MGAT5: variants seen among roughly 807,000 people sequenced by gnomAD.
The protein encoded by MGAT5 is alpha-1,6-mannosylglycoprotein 6-beta-N-acetylglucosaminyltransferase A.
A neutral mutation model predicts 94.3 loss-of-function variants in MGAT5; 30 were observed. That is an observed-to-expected ratio of 0.32 (90% CI 0.24 to 0.43). MGAT5 has a LOEUF of 0.43. Among genes scored for constraint, MGAT5 ranks in the 20% least tolerant of loss-of-function variants. The pLI is 1.00. For missense variants in MGAT5, 691 were observed against 905.5 expected (o/e 0.76, Z 3.04); for synonymous variants, 310 against 322.9 (o/e 0.96, Z 0.43).
intron 9 of MGAT5, among the ~76,000 whole-genome samples, chr2:134,351,075 G>T (rs545626774): frequency 6.6e-6 from 1 of 152,248 alleles, no homozygotes; most frequent in Non-Finnish European, 1.5e-5. Flanking sequence ...ATTAAGAATG[G>T]AGAGTAATTT....
chr2:134,296,292 G>T (rs1685668775), intron 2 of MGAT5, among the ~76,000 whole-genome samples: 1 of 152,098 alleles, frequency 6.6e-6, no homozygotes, highest in African/African-American at 2.4e-5. Flanking sequence ...GCTGGACCTG[G>T]GAGTCAGTTT....
chr2:134,407,659 G>A (rs1452300762), intron 11 of MGAT5, among the ~76,000 whole-genome samples: 1 of 152,178 alleles, frequency 6.6e-6, no homozygotes, highest in Non-Finnish European at 1.5e-5. Context: ...AGACAGTGAT[G>A]ACTCAAGCAG....
chr2:134,216,611 G>C (rs1573878942), intron 1 of MGAT5, among the ~76,000 whole-genome samples: 1 of 152,246 alleles, frequency 6.6e-6, no homozygotes, highest in African/African-American at 2.4e-5. Flanking sequence ...AAGAAACCCA[G>C]GTTGCCCTGT....
At chr2:134,245,787 G>A (rs779725209) in intron 1 of MGAT5, among the ~76,000 whole-genome samples, 15 of 152,156 alleles carry the variant, frequency 9.9e-5, no homozygotes, top group East Asian at 1.9e-4. Context: ...CACCAGCCCT[G>A]TTACAGTGTT....
At chr2:134,275,397 T>G (rs1203885117) in intron 2 of MGAT5, among the ~76,000 whole-genome samples, 1 of 152,156 alleles carries the variant, frequency 6.6e-6, no homozygotes, top group South Asian at 2.1e-4. Context: ...GGTTTTCACT[T>G]TGTGTGGTCA....
At chr2:134,330,554 A>AGT (rs34688054) in intron 4 of MGAT5, among the ~76,000 whole-genome samples, 150 of 148,596 alleles carry the variant, frequency 1.0e-3, no homozygotes, top group African/African-American at 2.0e-3. Context: ...TAAATTGTGT[A>AGT]GTGTGTGTGT....
chr2:134,376,151 T>C (rs183134108), intron 10 of MGAT5, among the ~76,000 whole-genome samples: 18 of 152,302 alleles, frequency 1.2e-4, no homozygotes, highest in Non-Finnish European at 1.8e-4. Context: ...AACAACCCTA[T>C]AAGGCAGCAG....
At chr2:134,359,150 TA>T (rs1392016978) in intron 9 of MGAT5, among the ~76,000 whole-genome samples, 1 of 152,202 alleles carries the variant, frequency 6.6e-6, no homozygotes, top group East Asian at 1.9e-4. Context: ...CCCACATACA[TA>T]TGGCACAAGA....
chr2:134,342,789 A>G (rs1004468630), intron 7 of MGAT5, among the ~76,000 whole-genome samples: 1 of 151,942 alleles, frequency 6.6e-6, no homozygotes, highest in Admixed American at 6.6e-5. Flanking sequence ...GCAGTCACTC[A>G]TCTGGTGTCT....
Position 134,135,219 on chromosome 2 carries a change from G to C in MGAT5, c.-143+14928G>C, listed in dbSNP as rs556546525. Among the ~76,000 whole-genome samples the C allele has an allele frequency of 5.3e-5, 8 of 152,246 alleles. No individual in the cohort carries two copies. In the South Asian group the frequency reaches 1.7e-3, roughly 32 times the overall value. On this transcript the variant is annotated intron_variant, in intron 1 of 16. Coordinates refer to the MGAT5 transcript ENST00000409645. ...TATGTTTGAAATTGTGTTTAGGTAGGTTATCTGAGCATTTGGTTCAGATAG... is the reference window on the plus strand; with the variant it reads ...TATGTTTGAAATTGTGTTTAGGTAGCTTATCTGAGCATTTGGTTCAGATAG...
chr2:134,204,833 T>C (rs1679954406), intron 1 of MGAT5, among the ~76,000 whole-genome samples: 1 of 152,094 alleles, frequency 6.6e-6, no homozygotes, highest in Non-Finnish European at 1.5e-5. Flanking sequence ...GGAGTCACAC[T>C]CCATCGACAA....
chr2:134,303,385 C>G (rs910756570), intron 2 of MGAT5, among the ~76,000 whole-genome samples: 6 of 152,240 alleles, frequency 3.9e-5, no homozygotes, highest in Non-Finnish European at 4.4e-5. Flanking sequence ...TATAGAGTGT[C>G]TGGGTTCGGT....
At position 134,341,701 on chromosome 2, in the gene MGAT5, T is replaced by A. The variant is rs1352424881; in HGVS notation, c.919T>A (p.Ser307Thr). 6.2e-7 allele frequency: 1 copy of A among 1,613,426 alleles called. No homozygotes were observed. Among genetic ancestry groups the A allele is most frequent in the African/African-American group, 1.3e-5 (1 of 74,890 alleles). Residue 307 changes from serine (S) to threonine (T), a missense_variant, in exon 7 of 16, where the codon TCT (serine) becomes ACT (threonine). By Grantham distance (58) the Ser-to-Thr change is moderately conservative. This residue lies in a region of MGAT5 where 121 missense variants were observed against 206.1 expected (regional missense o/e 0.59). Transcript: ENST00000281923. ...AGTTCAATGGAGTGATTTAATTACA[T>A]CTCTGTACTTACTGGGCCATGACAT... ...ELVQWSDLIT[S>T]LYLLGHDIRI...
chr2:134,442,035 TG>T, intron 15 of MGAT5, 120 bp downstream of exon 15: 1 of 1,150,920 alleles, frequency 8.7e-7, no homozygotes, highest in Non-Finnish European at 1.3e-6. Context: ...GGATAAGGTG[TG>T]GGAGGGGAGT....
chr2:134,205,139 G>T (rs1679967812), intron 1 of MGAT5, among the ~76,000 whole-genome samples: 1 of 152,200 alleles, frequency 6.6e-6, no homozygotes, highest in African/African-American at 2.4e-5. Flanking sequence ...TAGGAGAGAG[G>T]TCAAGGGGTA....
chr2:134,247,999 G>A (rs1420167287), intron 1 of MGAT5, among the ~76,000 whole-genome samples: 1 of 152,072 alleles, frequency 6.6e-6, no homozygotes, highest in Non-Finnish European at 1.5e-5. Flanking sequence ...TAATCTCACT[G>A]CCCTGCCCCC....
At chr2:134,380,458 T>C (rs1681467228) in intron 10 of MGAT5, among the ~76,000 whole-genome samples, 1 of 152,162 alleles carries the variant, frequency 6.6e-6, no homozygotes, top group African/African-American at 2.4e-5. Flanking sequence ...GTGATGCAAG[T>C]GGAGTGGTTA....
At chr2:134,317,710 A>C in intron 3 of MGAT5, 105 bp downstream of exon 3, 1 of 694,748 alleles carries the variant, frequency 1.4e-6, no homozygotes, top group Non-Finnish European at 2.2e-6. Flanking sequence ...TGAGCCCTTG[A>C]CATGGATCAT....
intron 10 of MGAT5, among the ~76,000 whole-genome samples, chr2:134,390,764 A>T (rs1405757005): frequency 6.6e-6 from 1 of 152,174 alleles, no homozygotes; most frequent in Non-Finnish European, 1.5e-5. Context: ...TCTAAGTGAA[A>T]TATAATGGTC....
Sources: allele counts gnomAD v4.1 joint callset (sites outside exome capture counted in the v4.1 genomes callset), GRCh38; gene constraint gnomAD v4.1.1; regional missense constraint gnomAD v4.1.1; transcripts MANE v1.5; gene names NCBI Gene and HGNC (gene_info 2026-07-23, HGNC 2026-07-21).